PRKG1: variants seen among roughly 807,000 people sequenced by gnomAD.
PRKG1 encodes the protein cGMP-dependent protein kinase 1.
Under a neutral mutation model 88.1 loss-of-function variants are expected in PRKG1, and 35 were observed. The ratio of observed to expected loss-of-function variants is 0.40; its 90% CI spans 0.30 to 0.53. The LOEUF is 0.53. Among genes scored for constraint, PRKG1 ranks in the 20% least tolerant of loss-of-function variants. PRKG1 has a pLI of 0.59. For missense variants in PRKG1, 540 were observed against 839.8 expected, an observed-to-expected ratio of 0.64 and a Z score of 4.41; for synonymous variants, 303 against 292.5, an observed-to-expected ratio of 1.04 and a Z score of -0.37.
At chr10:52,281,901 G>A (rs576547276) in intron 13 of PRKG1, among the ~76,000 whole-genome samples, 17 of 152,054 alleles carry the variant, frequency 1.1e-4, no homozygotes, top group African/African-American at 3.6e-4. Context: ...AACTATATTC[G>A]GAAAGGAAGA....
chr10:51,589,442 C>A (rs1838253068), intron 3 of PRKG1, among the ~76,000 whole-genome samples: 1 of 151,998 alleles, frequency 6.6e-6, no homozygotes, highest in East Asian at 1.9e-4. Context: ...TAGCCAATAT[C>A]ATGAAACCCC....
intron 3 of PRKG1, among the ~76,000 whole-genome samples, chr10:51,757,147 G>C (rs1490354808): frequency 2.6e-5 from 4 of 151,736 alleles, no homozygotes; most frequent in African/African-American, 7.3e-5. Context: ...CTGTCCGAAG[G>C]CTGGAGTGTA....
chr10:52,207,139 C>A (rs1026084387), intron 9 of PRKG1, among the ~76,000 whole-genome samples: 1 of 152,182 alleles, frequency 6.6e-6, no homozygotes, highest in African/African-American at 2.4e-5. Context: ...TGCATGCACA[C>A]ATGTGTGCCA....
chr10:51,861,814 C>T (rs1840880876), intron 4 of PRKG1, among the ~76,000 whole-genome samples: 3 of 152,184 alleles, frequency 2.0e-5, no homozygotes, highest in Admixed American at 6.5e-5. Context: ...TCTCAGTGCC[C>T]TTTTGCCAGC....
chr10:51,438,572 T>C (rs1839005219), intron 2 of PRKG1, among the ~76,000 whole-genome samples: 1 of 151,918 alleles, frequency 6.6e-6, no homozygotes, highest in South Asian at 2.1e-4. Flanking sequence ...ACCAGGGTTA[T>C]ATTATTTTTG....
intron 2 of PRKG1, among the ~76,000 whole-genome samples, chr10:51,297,183 G>T (rs770158270): frequency 4.0e-5 from 6 of 150,566 alleles, no homozygotes; most frequent in Non-Finnish European, 5.9e-5. Context: ...ATTTGTAATA[G>T]GGGGAAAAAG....
chr10:51,123,628 G>A (rs1449152541), intron 1 of PRKG1, among the ~76,000 whole-genome samples: 2 of 151,620 alleles, frequency 1.3e-5, no homozygotes, highest in Non-Finnish European at 2.9e-5. Context: ...GGAGGTTGCG[G>A]TGAGCTGAGA....
intron 5 of PRKG1, among the ~76,000 whole-genome samples, chr10:51,971,498 C>T (rs989328927): frequency 3.9e-5 from 6 of 151,992 alleles, no homozygotes; most frequent in Admixed American, 3.3e-4. Flanking sequence ...GCTTTGAATT[C>T]AGGCAGTTTC....
At chr10:51,375,099 A>G (rs560935818) in intron 2 of PRKG1, among the ~76,000 whole-genome samples, 2 of 152,332 alleles carry the variant, frequency 1.3e-5, no homozygotes, top group African/African-American at 4.8e-5. Flanking sequence ...GAATCAATGT[A>G]CCTATTCTAC....
intron 2 of PRKG1, among the ~76,000 whole-genome samples, chr10:51,264,807 T>C (rs1839797947): frequency 6.6e-6 from 1 of 152,230 alleles, no homozygotes; most frequent in Non-Finnish European, 1.5e-5. Context: ...TTGGAAGCTA[T>C]GCATTTAATC....
chr10:51,650,214 G>A (rs1840007403), intron 3 of PRKG1, among the ~76,000 whole-genome samples: 1 of 152,136 alleles, frequency 6.6e-6, no homozygotes, highest in Non-Finnish European at 1.5e-5. Flanking sequence ...CCCTCTTGTG[G>A]AATCTGGACT....
intron 2 of PRKG1, among the ~76,000 whole-genome samples, chr10:51,394,475 T>C (rs1347135933): frequency 6.6e-6 from 1 of 152,206 alleles, no homozygotes; most frequent in East Asian, 1.9e-4. Flanking sequence ...GCATTACCCT[T>C]TCCATGTCCT....
chr10:51,517,931 G>A (rs533980423), intron 3 of PRKG1, among the ~76,000 whole-genome samples: 57 of 152,242 alleles, frequency 3.7e-4, no homozygotes, highest in African/African-American at 1.3e-3. Context: ...TTCTCATGAT[G>A]CAGCCCTAAG....
rs530081840 is a variant in PRKG1, at chr10:51,274,320, A to G, written c.478+120990A>G. 2.4e-4 allele frequency among the ~76,000 whole-genome samples: 37 copies of G among 152,268 alleles called. No homozygotes were observed. The South Asian group carries it at 7.3e-3, about 30-fold the overall frequency. ...TCCTGTAGACTTCTGAGAACTTGTT[A>G]TATATCACCTTATAACTTTCATGTC... On this transcript the variant is annotated intron_variant, in intron 2 of 17. Transcript: ENST00000373980.
At chr10:52,099,798 A>G (rs1217621024) in intron 7 of PRKG1, among the ~76,000 whole-genome samples, 4 of 152,176 alleles carry the variant, frequency 2.6e-5, no homozygotes, top group African/African-American at 9.6e-5. Flanking sequence ...TCCTGAGTTG[A>G]CTTCATTCTG....
At chr10:52,272,836 G>C (rs931895311) in intron 12 of PRKG1, among the ~76,000 whole-genome samples, 1 of 152,012 alleles carries the variant, frequency 6.6e-6, no homozygotes, top group Non-Finnish European at 1.5e-5. Context: ...ATTATAATTT[G>C]AATTAACTAT....
chr10:51,096,491 C>G (rs902106123), intron 1 of PRKG1, among the ~76,000 whole-genome samples: 4 of 152,132 alleles, frequency 2.6e-5, no homozygotes, highest in African/African-American at 9.6e-5. Context: ...CGAGTTTTGA[C>G]AGTACTTGTG....
intron 4 of PRKG1, among the ~76,000 whole-genome samples, chr10:51,860,785 G>A (rs7083683): frequency 0.098 from 14,865 of 152,186 alleles, 981 homozygotes; most frequent in African/African-American, 0.18. Flanking sequence ...GCAAGGATAG[G>A]CAGATCTGAT....
chr10:51,294,170 CT>C (rs945986512), intron 2 of PRKG1, among the ~76,000 whole-genome samples: 4 of 151,990 alleles, frequency 2.6e-5, no homozygotes, highest in African/African-American at 9.7e-5. Context: ...TATAGGTTGA[CT>C]TTTTATTCTA....
Sources: gnomAD v4.1 joint callset for allele counts (sites outside exome capture counted in the v4.1 genomes callset) on GRCh38, gnomAD v4.1.1 for gene constraint, MANE v1.5 for transcripts, NCBI Gene and HGNC (gene_info 2026-07-23, HGNC 2026-07-21) for gene names.